ASIC2: variants seen among roughly 807,000 people sequenced by gnomAD.
The protein encoded by ASIC2 is acid sensing ion channel subunit 2.
Under a neutral mutation model 57.3 loss-of-function variants are expected in ASIC2, and 25 were observed. That is an observed-to-expected ratio of 0.44 (90% CI 0.32 to 0.61). The LOEUF is 0.61. Ranked by LOEUF, ASIC2 falls within the 20% of genes least tolerant of loss-of-function variation. ASIC2 has a pLI of 0.06. For missense variants in ASIC2, 641 were observed against 738.1 expected (o/e 0.87, Z 1.52); for synonymous variants, 319 against 307.5 (o/e 1.04, Z -0.39).
At chr17:33,404,261 G>A (rs766539889) in intron 1 of ASIC2, among the ~76,000 whole-genome samples, 22 of 152,302 alleles carry the variant, frequency 1.4e-4, no homozygotes, top group Middle Eastern at 3.4e-3. Flanking sequence ...TTATGGTGAT[G>A]ATTGCACAAC....
intron 1 of ASIC2, among the ~76,000 whole-genome samples, chr17:33,420,268 C>G (rs924867768): frequency 1.3e-5 from 2 of 152,194 alleles, no homozygotes; most frequent in African/African-American, 4.8e-5. Context: ...ATGGTTCATG[C>G]TTTCAGGAAA....
intron 1 of ASIC2, among the ~76,000 whole-genome samples, chr17:33,678,435 C>CA (rs1907894434): frequency 8.0e-4 from 111 of 139,602 alleles, no homozygotes; most frequent in Non-Finnish European, 1.5e-3. Context: ...CTGGTTCAAT[C>CA]CACACACACA....
chr17:33,673,897 C>CTTTTTTTTTTTTTTTTTTT lies in ASIC2; in HGVS notation c.555+482080_555+482081insAAAAAAAAAAAAAAAAAAA, dbSNP rs574986885. On this transcript the variant is annotated intron_variant, in intron 1 of 9. Transcript: ENST00000359872. ...TGAGCTAAGGTCTGTGCATCCGTGT[C>CTTTTTTTTTTTTTTTTTTT]TTTTTTTTTTTTTTGGAGACGGAGT... Among the ~76,000 whole-genome samples the CTTTTTTTTTTTTTTTTTTT allele has an allele frequency of 9.1e-4, 129 of 141,124 alleles. 1 individual carries two copies. Among genetic ancestry groups the CTTTTTTTTTTTTTTTTTTT allele is most frequent in the African/African-American group, 3.2e-3 (121 of 37,270 alleles). 92.6% of individuals were successfully genotyped at this position (141,124 alleles called of 152,430 possible).
chr17:33,427,232 T>A (rs1317999949), intron 1 of ASIC2, among the ~76,000 whole-genome samples: 1 of 152,054 alleles, frequency 6.6e-6, no homozygotes, highest in Non-Finnish European at 1.5e-5. Context: ...AAAAATAAAA[T>A]AAACAATAAG....
At chr17:34,131,355 G>A (rs1242859958) in intron 1 of ASIC2, among the ~76,000 whole-genome samples, 4 of 152,154 alleles carry the variant, frequency 2.6e-5, no homozygotes, top group African/African-American at 4.8e-5. Context: ...TTCTGAGTAG[G>A]CCATTGTATT....
chr17:33,876,485 T>G (rs972866196), intron 1 of ASIC2, among the ~76,000 whole-genome samples: 4 of 152,238 alleles, frequency 2.6e-5, no homozygotes, highest in Non-Finnish European at 5.9e-5. Flanking sequence ...AATTTATATT[T>G]TTGAGCTCCT....
intron 1 of ASIC2, among the ~76,000 whole-genome samples, chr17:33,939,294 C>T (rs185274360): frequency 5.8e-4 from 88 of 152,312 alleles, no homozygotes; most frequent in African/African-American, 1.9e-3. Flanking sequence ...GTAGAGAAAA[C>T]GAATCAGAGA....
chr17:33,475,978 G>A (rs925172460), intron 1 of ASIC2, among the ~76,000 whole-genome samples: 1 of 152,170 alleles, frequency 6.6e-6, no homozygotes, highest in African/African-American at 2.4e-5. Context: ...GACATCATGA[G>A]AGGAAAAGTG....
At chr17:33,753,532 G>T (rs117761221) in intron 1 of ASIC2, among the ~76,000 whole-genome samples, 1,774 of 152,320 alleles carry the variant, frequency 0.012, 13 homozygotes, top group Middle Eastern at 0.017. Flanking sequence ...ATTGAGCAAT[G>T]AACAATTCGT....
At chr17:33,656,687 T>C (rs114441429) in intron 1 of ASIC2, among the ~76,000 whole-genome samples, 4,359 of 152,270 alleles carry the variant, frequency 0.029, 196 homozygotes, top group African/African-American at 0.098. Flanking sequence ...GCCTGTGTCT[T>C]GTGTTCCCCC....
At chr17:34,001,115 T>A (rs548372072) in intron 1 of ASIC2, 2 of 152,360 alleles carry the variant, frequency 1.3e-5, no homozygotes, top group Admixed American at 6.5e-5. Context: ...TTTATTTTGT[T>A]CATTTGGTGG....
At chr17:34,099,620 AAG>A (rs933181612) in intron 1 of ASIC2, among the ~76,000 whole-genome samples, 3 of 149,642 alleles carry the variant, frequency 2.0e-5, no homozygotes, top group African/African-American at 7.4e-5. Flanking sequence ...AGAGGAAAGA[AAG>A]AAAAAGAAAA....
intron 1 of ASIC2, among the ~76,000 whole-genome samples, chr17:34,010,894 ATT>A (rs1209279029): frequency 6.6e-6 from 1 of 152,030 alleles, no homozygotes; most frequent in Non-Finnish European, 1.5e-5. Context: ...TGTTGTCTTA[ATT>A]AATGCTTCTA....
intron 1 of ASIC2, among the ~76,000 whole-genome samples, chr17:33,231,001 A>T (rs1056184012): frequency 4.6e-5 from 7 of 152,304 alleles, no homozygotes; most frequent in Non-Finnish European, 1.0e-4. Flanking sequence ...AGAAACAGAG[A>T]ACCTTTTTCT....
intron 1 of ASIC2, among the ~76,000 whole-genome samples, chr17:33,660,849 C>T (rs1458293989): frequency 2.6e-5 from 4 of 152,166 alleles, no homozygotes; most frequent in African/African-American, 9.7e-5. Context: ...TGAACTTTGC[C>T]CTCCCACTGC....
At chr17:33,779,216 T>G (rs562373098) in intron 1 of ASIC2, among the ~76,000 whole-genome samples, 1 of 152,280 alleles carries the variant, frequency 6.6e-6, no homozygotes, top group Admixed American at 6.5e-5. Context: ...GCTTTGAACC[T>G]CTTAGAATTC....
intron 1 of ASIC2, among the ~76,000 whole-genome samples, chr17:33,941,931 G>T (rs189159464): frequency 6.6e-6 from 1 of 152,292 alleles, no homozygotes; most frequent in Non-Finnish European, 1.5e-5. Flanking sequence ...GGCAACTCAG[G>T]CTAGGAAGGC....
At chr17:34,130,136 T>G (rs2142126829) in intron 1 of ASIC2, among the ~76,000 whole-genome samples, 1 of 152,326 alleles carries the variant, frequency 6.6e-6, no homozygotes, top group South Asian at 2.1e-4. Flanking sequence ...ATGAAAGGAC[T>G]AAATTAGAGA....
chr17:33,279,350 G>A (rs534326617), intron 1 of ASIC2, among the ~76,000 whole-genome samples: 27 of 152,146 alleles, frequency 1.8e-4, no homozygotes, highest in Non-Finnish European at 3.5e-4. Flanking sequence ...TGGTGAATCA[G>A]GGCATCCAGG....
Sources: allele counts gnomAD v4.1 joint callset (sites outside exome capture counted in the v4.1 genomes callset), GRCh38; gene constraint gnomAD v4.1.1; transcripts MANE v1.5; gene names NCBI Gene and HGNC (gene_info 2026-07-23, HGNC 2026-07-21).